Variants in PIP5K1B observed in about 807,000 individuals in gnomAD.
PIP5K1B encodes phosphatidylinositol-4-phosphate 5-kinase type 1 beta.
A neutral mutation model predicts 67.0 loss-of-function variants in PIP5K1B; 42 were observed. That is an observed-to-expected ratio of 0.63 (90% CI 0.49 to 0.81). The LOEUF (loss-of-function observed/expected upper bound fraction) is 0.81. PIP5K1B is among the 30% of genes least tolerant of loss of function. The pLI is 0.00. For synonymous variants in PIP5K1B, 214 were observed against 231.4 expected, an observed-to-expected ratio of 0.92 and a Z score of 0.68; for missense variants, 459 against 646.3, an observed-to-expected ratio of 0.71 and a Z score of 3.14.
intron 1 of PIP5K1B, among the ~76,000 whole-genome samples, chr9:68,739,554 GCC>G (rs745893007): frequency 1.2e-4 from 18 of 152,218 alleles, no homozygotes; most frequent in Non-Finnish European, 2.1e-4. Context: ...ATAAATTTCA[GCC>G]TCCTTCTTGG....
chr9:68,950,280 A>G (rs1471252378), intron 14 of PIP5K1B, among the ~76,000 whole-genome samples: 2 of 152,260 alleles, frequency 1.3e-5, no homozygotes, highest in East Asian at 3.9e-4. Context: ...CTTAAAGGTC[A>G]GTTTGGTCCT....
intron 2 of PIP5K1B, chr9:68,789,162 CA>C: frequency 1.7e-6 from 1 of 576,492 alleles, no homozygotes; most frequent in Non-Finnish European, 3.4e-6. Context: ...AGTACCTCGC[CA>C]AGGCACCATT....
Position 68,853,613 on chromosome 9 carries a change from G to C in PIP5K1B, c.70-10224G>C, listed in dbSNP as rs544047215. On this transcript the variant is annotated intron_variant, in intron 4 of 15. Coordinates refer to ENST00000265382, the MANE Select transcript of PIP5K1B (RefSeq NM_003558.4). Reference sequence around the variant, plus strand: ...TCTGATGACGGCAAAACCAAAAAAGGCTCCTTGGGGAGGGTGGGTGTTCCA... The same window carrying C: ...TCTGATGACGGCAAAACCAAAAAAGCCTCCTTGGGGAGGGTGGGTGTTCCA... 5.9e-5 allele frequency among the ~76,000 whole-genome samples: 9 copies of C among 152,302 alleles called. No individual in the cohort carries two copies. In the South Asian group the frequency reaches 1.5e-3, roughly 25 times the overall value.
intron 14 of PIP5K1B, among the ~76,000 whole-genome samples, chr9:68,947,094 A>G (rs77436288): frequency 0.033 from 5,102 of 152,350 alleles, 92 homozygotes; most frequent in Middle Eastern, 0.051. Flanking sequence ...GATGTTTTTG[A>G]CAAAAAGCCA....
intron 2 of PIP5K1B, chr9:68,780,935 A>G (rs1400836075): frequency 3.7e-6 from 6 of 1,613,848 alleles, no homozygotes; most frequent in Non-Finnish European, 5.1e-6. Flanking sequence ...CTTGTAACTC[A>G]CCAGCGAAAG....
chr9:68,735,499 G>A (rs1828695149), intron 1 of PIP5K1B, among the ~76,000 whole-genome samples: 1 of 151,616 alleles, frequency 6.6e-6, no homozygotes, highest in African/African-American at 2.4e-5. Flanking sequence ...AGCTATTCTT[G>A]TGCCTTAGCC....
Position 69,007,697 on chromosome 9 carries a change from A to C in PIP5K1B, c.1621-750A>C, listed in dbSNP as rs549577812. ...ACAGTGAAACCCCATCTCTACTAAA[A>C]ATACAAAAAATTAGCCAGGCGTGAT... On this transcript the variant is annotated intron_variant, in intron 15 of 15. Coordinates refer to ENST00000265382, the MANE Select transcript of PIP5K1B (RefSeq NM_003558.4). Among the ~76,000 whole-genome samples, 83 of 152,260 alleles carry C rather than the reference A, an allele frequency of 5.5e-4. 1 individual carries two copies. The highest frequency in any genetic ancestry group is 3.4e-3 in the Middle Eastern group (1 of 294).
chr9:68,922,494 A>G (rs1349068433), intron 11 of PIP5K1B, among the ~76,000 whole-genome samples: 1 of 115,244 alleles, frequency 8.7e-6, no homozygotes, highest in Non-Finnish European at 1.9e-5. Context: ...GGAATCCATA[A>G]GCCTGAATTC....
At position 68,863,945 on chromosome 9, in the gene PIP5K1B, G is replaced by A. The variant is rs751761604; in HGVS notation, c.178G>A (p.Val60Met). The A allele has an allele frequency of 3.7e-6, 6 of 1,613,824 alleles. No homozygotes were observed. Among genetic ancestry groups the A allele is most frequent in the Non-Finnish European group, 5.1e-6 (6 of 1,179,800 alleles). Residue 60 changes from valine (V) to methionine (M), a missense_variant, in exon 5 of 16, where the codon GTG (valine) becomes ATG (methionine). Around this residue, in one of 2 missense-constraint regions of PIP5K1B, gnomAD observed 290 missense variants for 474.4 expected, o/e 0.61. Coordinates refer to ENST00000265382, the MANE Select transcript of PIP5K1B (RefSeq NM_003558.4). ...RDVLMQDFYV[V>M]ESVFLPSEGS... ...TGTTCTTATGCAAGACTTTTATGTG[G>A]TGGAAAGTGTGTTCCTACCCAGGTA...
intron 2 of PIP5K1B, chr9:68,783,117 C>CTTGATA (rs1332290918): frequency 6.0e-6 from 1 of 167,010 alleles, no homozygotes; most frequent in African/African-American, 2.4e-5. Context: ...GAAATTTAAA[C>CTTGATA]TTGATATTTT....
At chr9:68,922,922 G>T (rs1212812829) in intron 11 of PIP5K1B, among the ~76,000 whole-genome samples, 1 of 152,120 alleles carries the variant, frequency 6.6e-6, no homozygotes, top group East Asian at 1.9e-4. Flanking sequence ...ATGATTAAGG[G>T]AGTTACCCTT....
chr9:68,973,095 C>G (rs759914802), intron 14 of PIP5K1B, among the ~76,000 whole-genome samples: 11 of 152,002 alleles, frequency 7.2e-5, no homozygotes, highest in Non-Finnish European at 1.3e-4. Context: ...CCAAGCAAGC[C>G]CCAGCTAAGT....
At chr9:68,762,498 T>A (rs994789347) in intron 2 of PIP5K1B, among the ~76,000 whole-genome samples, 4 of 152,146 alleles carry the variant, frequency 2.6e-5, no homozygotes, top group African/African-American at 9.7e-5. Context: ...CCACATCTAT[T>A]TGCAGATTAA....
At chr9:69,006,393 G>A (rs1023982901) in intron 15 of PIP5K1B, among the ~76,000 whole-genome samples, 56 of 152,152 alleles carry the variant, frequency 3.7e-4, no homozygotes, top group African/African-American at 1.3e-3. Context: ...AGAAAGAGTG[G>A]AGGGGGTGCA....
At chr9:68,856,755 G>T (rs1436086732) in intron 4 of PIP5K1B, among the ~76,000 whole-genome samples, 1 of 152,178 alleles carries the variant, frequency 6.6e-6, no homozygotes, top group African/African-American at 2.4e-5. Context: ...TGACTGAATG[G>T]GGTTCTGAGG....
Position 68,876,722 on chromosome 9 carries a change from A to T in PIP5K1B, c.246A>T (p.Arg82Ser). Reference sequence around the variant, plus strand: ...CAGCACATCACTACCCAGACTTTAGATTTAAGACATACGCTCCATTAGCAT... The same window carrying T: ...CAGCACATCACTACCCAGACTTTAGTTTTAAGACATACGCTCCATTAGCAT... Reference protein sequence around the residue: ...LTPAHHYPDFRFKTYAPLAFR... With the variant: ...LTPAHHYPDFSFKTYAPLAFR... The change falls in exon 6 of 16, where the codon AGA (arginine) becomes AGT (serine). Residue 82 changes from arginine (R) to serine (S), a missense_variant. This residue lies in a region of PIP5K1B where 290 missense variants were observed against 474.4 expected (regional missense o/e 0.61). Transcript: ENST00000265382. 1 of 1,611,490 alleles carries T rather than the reference A, an allele frequency of 6.2e-7. No homozygotes were observed. The highest frequency in any genetic ancestry group is 1.1e-5 in the South Asian group (1 of 91,026).
At chr9:68,772,295 T>G (rs977226674) in intron 2 of PIP5K1B, among the ~76,000 whole-genome samples, 1 of 152,244 alleles carries the variant, frequency 6.6e-6, no homozygotes, top group African/African-American at 2.4e-5. Flanking sequence ...TTCTCTCAGT[T>G]GCTCTTCTTA....
At chr9:68,861,895 G>GTT (rs945874186) in intron 4 of PIP5K1B, among the ~76,000 whole-genome samples, 2 of 136,180 alleles carry the variant, frequency 1.5e-5, no homozygotes, top group African/African-American at 5.4e-5. Context: ...TTGTTTGTTT[G>GTT]TTTTTTGTTT....
chr9:68,880,337 G>A (rs1463534785), intron 6 of PIP5K1B, among the ~76,000 whole-genome samples: 1 of 152,212 alleles, frequency 6.6e-6, no homozygotes, highest in Non-Finnish European at 1.5e-5. Flanking sequence ...TGGATCACCT[G>A]AGGTCAGGAG....
Sources: gnomAD v4.1 joint callset for allele counts (sites outside exome capture counted in the v4.1 genomes callset) on GRCh38, gnomAD v4.1.1 for gene constraint, gnomAD v4.1.1 regional missense constraint, MANE v1.5 for transcripts, NCBI Gene and HGNC (gene_info 2026-07-23, HGNC 2026-07-21) for gene names.